AFAP1L1: variants seen among roughly 807,000 people sequenced by gnomAD.
AFAP1L1 encodes actin filament-associated protein 1-like 1.
AFAP1L1 carries 77 observed loss-of-function variants against 99.8 expected under a neutral mutation model. The observed-to-expected ratio is 0.77, with a 90% CI of 0.64 to 0.93. The LOEUF (loss-of-function observed/expected upper bound fraction) is 0.93. Among genes scored for constraint, AFAP1L1 ranks in the 40% least tolerant of loss-of-function variants. The pLI is 0.00. For synonymous variants in AFAP1L1, 373 were observed against 395.3 expected (o/e 0.94, Z 0.67); for missense variants, 893 against 996.8 (o/e 0.90, Z 1.40).
chr5:149,281,929 G>T (rs1337708225), intron 1 of AFAP1L1, among the ~76,000 whole-genome samples: 1 of 152,212 alleles, frequency 6.6e-6, no homozygotes, highest in African/African-American at 2.4e-5. Flanking sequence ...CAGCCTGCAT[G>T]AGGTTTTATT....
chr5:149,303,329 G>A (rs1756292695), intron 5 of AFAP1L1, among the ~76,000 whole-genome samples: 1 of 152,114 alleles, frequency 6.6e-6, no homozygotes, highest in African/African-American at 2.4e-5. Flanking sequence ...GAGAGTCTTT[G>A]GTCTTTTCAT....
At chr5:149,283,363 C>T (rs892170521) in intron 1 of AFAP1L1, among the ~76,000 whole-genome samples, 4 of 152,158 alleles carry the variant, frequency 2.6e-5, no homozygotes, top group Admixed American at 6.5e-5. Flanking sequence ...GGCTGGGACA[C>T]ATTGTTGATA....
At chr5:149,311,470 G>A (rs1217843192) in intron 8 of AFAP1L1, among the ~76,000 whole-genome samples, 6 of 152,202 alleles carry the variant, frequency 3.9e-5, no homozygotes, top group East Asian at 1.9e-4. Context: ...CCTCTGCGAG[G>A]CTCATCATCT....
chr5:149,310,098 C>T lies in AFAP1L1; in HGVS notation c.890C>T (p.Ala297Val). ...TQGATEVLVL[A>V]LQSREQAEEW... ...GGGGCTACCGAGGTCTTGGTGCTGG[C>T]ACTGCAGAGCCGAGAGCAGGCCGAG... The change falls in exon 8 of 19, where the codon GCA (alanine) becomes GTA (valine). Residue 297 changes from alanine to valine, a missense_variant. Ala to Val is a moderately conservative substitution (Grantham distance 64). Coordinates refer to ENST00000296721, the MANE Select transcript of AFAP1L1 (RefSeq NM_152406.4). The T allele has an allele frequency of 1.2e-6, 2 of 1,612,422 alleles. No individual in the cohort carries two copies. Among genetic ancestry groups the T allele is most frequent in the Non-Finnish European group, 8.5e-7 (1 of 1,179,138 alleles).
chr5:149,317,223 T>TCAGA (rs1394645651), intron 11 of AFAP1L1, among the ~76,000 whole-genome samples: 1 of 152,176 alleles, frequency 6.6e-6, no homozygotes, highest in African/African-American at 2.4e-5. Flanking sequence ...AATTAGTGAA[T>TCAGA]CAGAGTGCGT....
intron 15 of AFAP1L1, among the ~76,000 whole-genome samples, chr5:149,326,490 G>A (rs1016758934): frequency 6.7e-6 from 1 of 148,726 alleles, no homozygotes; most frequent in Non-Finnish European, 1.5e-5. Flanking sequence ...AGTGAGCCCT[G>A]ATGGTGCCAC....
chr5:149,298,104 C>G (rs189798863), intron 1 of AFAP1L1, among the ~76,000 whole-genome samples: 1 of 152,182 alleles, frequency 6.6e-6, no homozygotes, highest in East Asian at 1.9e-4. Context: ...AGGGCCTGTT[C>G]TCTTCTGCAA....
At chr5:149,278,436 T>C (rs567123460) in intron 1 of AFAP1L1, among the ~76,000 whole-genome samples, 2 of 152,216 alleles carry the variant, frequency 1.3e-5, no homozygotes, top group African/African-American at 4.8e-5. Context: ...GCTCTGTTGA[T>C]TGAGCCTCTA....
intron 9 of AFAP1L1, among the ~76,000 whole-genome samples, chr5:149,312,739 C>T (rs1189724615): frequency 4.0e-5 from 6 of 151,706 alleles, no homozygotes; most frequent in Non-Finnish European, 5.9e-5. Flanking sequence ...CAGTGAGCCA[C>T]GATTGCGTCA....
At chr5:149,306,776 C>T (rs1017911437) in intron 6 of AFAP1L1, among the ~76,000 whole-genome samples, 11 of 152,184 alleles carry the variant, frequency 7.2e-5, no homozygotes, top group African/African-American at 2.7e-4. Flanking sequence ...ATTTATTGAG[C>T]ATTTATTGGG....
chr5:149,301,846 A>G (rs181440242), intron 4 of AFAP1L1, among the ~76,000 whole-genome samples: 11 of 152,362 alleles, frequency 7.2e-5, no homozygotes, highest in Non-Finnish European at 2.9e-5. Context: ...GCAACTTACT[A>G]TGTCCTTTAC....
chr5:149,291,498 C>G (rs955365256), intron 1 of AFAP1L1, among the ~76,000 whole-genome samples: 2 of 118,840 alleles, frequency 1.7e-5, no homozygotes, highest in Non-Finnish European at 3.2e-5. Context: ...TGCACTCCAG[C>G]CGGACAACAG....
intron 1 of AFAP1L1, among the ~76,000 whole-genome samples, chr5:149,295,911 T>C (rs1239683720): frequency 1.3e-5 from 2 of 152,208 alleles, no homozygotes; most frequent in African/African-American, 2.4e-5. Context: ...GGTGAAGGGG[T>C]AACTTTGAAG....
At chr5:149,286,720 C>T (rs866356367) in intron 1 of AFAP1L1, among the ~76,000 whole-genome samples, 43 of 152,322 alleles carry the variant, frequency 2.8e-4, no homozygotes, top group South Asian at 2.7e-3. Flanking sequence ...TCCTGCTTCT[C>T]AACAGCATCA....
intron 15 of AFAP1L1, among the ~76,000 whole-genome samples, chr5:149,325,815 A>G (rs1235494455): frequency 6.6e-6 from 1 of 152,184 alleles, no homozygotes; most frequent in African/African-American, 2.4e-5. Flanking sequence ...ATGGCAGAAA[A>G]TGGAAGGGCA....
At chr5:149,280,626 C>A (rs1755486494) in intron 1 of AFAP1L1, among the ~76,000 whole-genome samples, 1 of 152,206 alleles carries the variant, frequency 6.6e-6, no homozygotes, top group African/African-American at 2.4e-5. Flanking sequence ...CTGAATGAGA[C>A]TCTAGGGTCT....
intron 1 of AFAP1L1, among the ~76,000 whole-genome samples, chr5:149,284,420 C>T (rs566894701): frequency 6.6e-5 from 10 of 152,278 alleles, no homozygotes; most frequent in South Asian, 4.1e-4. Context: ...CTCCTATCTA[C>T]GATGAGGGCT....
intron 1 of AFAP1L1, among the ~76,000 whole-genome samples, chr5:149,287,339 A>G (rs1263341302): frequency 6.6e-6 from 1 of 152,184 alleles, no homozygotes; most frequent in African/African-American, 2.4e-5. Flanking sequence ...CACAGCATTC[A>G]GGATGATAGT....
At position 149,321,722 on chromosome 5, in the gene AFAP1L1, CAAAAAA is replaced by C. The variant is rs57366142; in HGVS notation, c.1699-864_1699-859del. On this transcript the variant is annotated intron_variant, in intron 14 of 18. Transcript: ENST00000296721. Reference sequence around the variant, plus strand: ...TGGGCAACAGAGCGAGACTCTGTCTCAAAAAAAAAAAAAAAAAAAAAAAAACAACGT... The same window carrying C: ...TGGGCAACAGAGCGAGACTCTGTCTCAAAAAAAAAAAAAAAAAAACAACGT... Among the ~76,000 whole-genome samples the C allele has an allele frequency of 1.1e-4, 7 of 63,782 alleles. No homozygotes were observed. The East Asian group carries it at 3.2e-3, about 29-fold the overall frequency. The allele number at this position is 63,782 out of a possible 152,430, so 41.8% of individuals were successfully genotyped here. A position where few individuals can be genotyped will look rare whatever the true frequency, so the allele number is the denominator to read the frequency against.
Sources: gnomAD v4.1 joint callset for allele counts (sites outside exome capture counted in the v4.1 genomes callset) on GRCh38, gnomAD v4.1.1 for gene constraint, MANE v1.5 for transcripts, NCBI Gene and HGNC (gene_info 2026-07-23, HGNC 2026-07-21) for gene names.